The following NRROS variants were observed in gnomAD, a reference collection of about 807,000 sequenced individuals.
NRROS encodes transforming growth factor beta activator LRRC33.
Under a neutral mutation model 12.0 loss-of-function variants are expected in NRROS, and 6 were observed. The observed-to-expected ratio is 0.50, with a 90% confidence interval of 0.27 to 0.98. The LOEUF is 0.98. Ranked by LOEUF, NRROS falls within the 50% of genes least tolerant of loss-of-function variation. The probability of loss-of-function intolerance (pLI) is 0.11; values close to 1 mark genes in which losing one functional copy is unlikely to be tolerated. For missense variants in NRROS, 857 were observed against 888.2 expected, an observed-to-expected ratio of 0.96 and a Z score of 0.45; for synonymous variants, 462 against 410.2, an observed-to-expected ratio of 1.13 and a Z score of -1.53.
rs1244806296 is a variant in NRROS, at chr3:196,660,384, G to A, written c.741G>A (p.Glu247=). The A allele has an allele frequency of 1.2e-6, 2 of 1,613,984 alleles. No homozygotes were observed. Among genetic ancestry groups the A allele is most frequent in the Non-Finnish European group, 1.7e-6 (2 of 1,179,956 alleles). ...VLEWFLATGG[E]AAFELETLDL... The stretch of plus-strand genomic sequence containing the variant: ...AGTGGTTCCTCGCGACCGGGGGAGA[G>A]GCTGCCTTCGAGCTGGAGACGCTGG... Residue 247 remains glutamate (E), a synonymous_variant, in exon 3 of 3, where the codon GAG becomes GAA. Coordinates refer to ENST00000328557, the MANE Select transcript of NRROS (RefSeq NM_198565.3). The surrounding 1 kb of genome is among the most constrained non-coding windows in gnomAD (Gnocchi z 7.7).
Position 196,661,100 on chromosome 3 carries a change from C to T in NRROS, c.1457C>T (p.Ser486Phe). ...CCAGACTGCCCATTCCAAGGGACCT[C>T]CCTGACCTACTTAGACCTCTCAAGC... ...ALPDCPFQGT[S>F]LTYLDLSSNW... The change falls in exon 3 of 3, where the codon TCC (serine) becomes TTC (phenylalanine). Residue 486 changes from serine to phenylalanine, a missense_variant. Coordinates refer to ENST00000328557, the MANE Select transcript of NRROS (RefSeq NM_198565.3). The T allele has an allele frequency of 2.5e-6, 4 of 1,614,140 alleles. No individual in the cohort carries two copies. The highest frequency in any genetic ancestry group is 3.4e-6 in the Non-Finnish European group (4 of 1,180,010).
intron 1 of NRROS, among the ~76,000 whole-genome samples, chr3:196,651,538 G>A (rs1398971668): frequency 5.9e-5 from 9 of 152,060 alleles, no homozygotes; most frequent in African/African-American, 2.2e-4. Context: ...AGGTCAAGGC[G>A]GGCAGATCAC....
At chr3:196,653,911 A>G (rs1201858403) in intron 1 of NRROS, among the ~76,000 whole-genome samples, 1 of 152,164 alleles carries the variant, frequency 6.6e-6, no homozygotes, top group East Asian at 1.9e-4. Flanking sequence ...CTACCCAAAG[A>G]TTGCTTCTTC....
intron 2 of NRROS, among the ~76,000 whole-genome samples, chr3:196,658,926 C>T (rs1367477670): frequency 1.3e-5 from 2 of 152,186 alleles, no homozygotes; most frequent in Non-Finnish European, 2.9e-5. Context: ...GCTGAGATCA[C>T]ACCATTGCAC....
chr3:196,658,897 G>C lies in NRROS; in HGVS notation c.109-855G>C, dbSNP rs559821709. ...AAACAGGAGAATTGCTCGAACCCAG[G>C]AGGCAGAGATTGCAGTGAGCTGAGA... is the stretch of plus-strand genomic sequence containing the variant. On this transcript the variant is annotated intron_variant, in intron 2 of 2. Transcript: ENST00000328557. Among the ~76,000 whole-genome samples, 4 of 152,264 alleles carry C rather than the reference G, an allele frequency of 2.6e-5. No individual in the cohort carries two copies. The South Asian group carries it at 8.3e-4, about 32-fold the overall frequency.
At position 196,661,000 on chromosome 3, in the gene NRROS, C is replaced by A. The variant is rs1275076567; in HGVS notation, c.1357C>A (p.Pro453Thr). 1.9e-6 allele frequency: 3 copies of A among 1,614,180 alleles called. No homozygotes were observed. The highest frequency in any genetic ancestry group is 2.2e-5 in the East Asian group (1 of 44,874). The change falls in exon 3 of 3, where the codon CCT becomes ACT. Residue 453 changes from proline (P) to threonine (T), a missense_variant. Physicochemically the swap from Pro to Thr is conservative, Grantham distance 38. Coordinates refer to ENST00000328557, the MANE Select transcript of NRROS (RefSeq NM_198565.3). The surrounding 1 kb of genome is among the most constrained non-coding windows in gnomAD (Gnocchi z 7.7). Reference sequence around the variant, plus strand: ...AGCTGCCTCGGACCGGGTGGGCCCCCCTAGCTGTGTGGATTTCAGGAATAT... The same window carrying A: ...AGCTGCCTCGGACCGGGTGGGCCCCACTAGCTGTGTGGATTTCAGGAATAT... ...LPAASDRVGP[P>T]SCVDFRNMAS... is the part of the protein sequence containing the mutation.
In NRROS at chr3:196,659,756, G is replaced by A. The variant is rs1170965809; in HGVS notation, c.113G>A (p.Gly38Asp). The stretch of plus-strand genomic sequence containing the variant: ...CCGGTGTGGTTTTGGCCGCAGGTGG[G>A]TGGAGCCGCTGACTGCCGAGGGCAG... ...AASQGVCKLVGGAADCRGQSL... is the reference protein window; with the variant it reads ...AASQGVCKLVDGAADCRGQSL... Residue 38 changes from glycine to aspartate, a missense_variant, in exon 3 of 3, where the codon GGT becomes GAT. Coordinates refer to ENST00000328557, the MANE Select transcript of NRROS (RefSeq NM_198565.3). 4 of 1,606,776 alleles carry A rather than the reference G, an allele frequency of 2.5e-6. No homozygotes were observed. Among genetic ancestry groups the A allele is most frequent in the Non-Finnish European group, 3.4e-6 (4 of 1,175,584 alleles).
chr3:196,646,031 T>A (rs1737303663), intron 1 of NRROS, among the ~76,000 whole-genome samples: 1 of 152,254 alleles, frequency 6.6e-6, no homozygotes, highest in South Asian at 2.1e-4. Flanking sequence ...CTTGGAAGGC[T>A]TGGTGGGGTC....
At position 196,661,250 on chromosome 3, in the gene NRROS, G is replaced by C. The variant is rs769048405; in HGVS notation, c.1607G>C (p.Gly536Ala). 3.7e-6 allele frequency: 6 copies of C among 1,613,842 alleles called. No individual in the cohort carries two copies. Among genetic ancestry groups the C allele is most frequent in the Non-Finnish European group, 5.1e-6 (6 of 1,179,980 alleles). Residue 536 changes from glycine (G) to alanine (A), a missense_variant, in exon 3 of 3, where the codon GGG becomes GCG. Gly to Ala is a moderately conservative substitution (Grantham distance 60). Coordinates refer to ENST00000328557, the MANE Select transcript of NRROS (RefSeq NM_198565.3). The stretch of plus-strand genomic sequence containing the variant: ...ATGGCGTTGGACTTCTCTGGGTTTG[G>C]GAATCTCAGGGACTTAGATCTGTCG... ...SFMALDFSGF[G>A]NLRDLDLSGN...
At chr3:196,641,832 A>G (rs1483785693) in intron 1 of NRROS, among the ~76,000 whole-genome samples, 1 of 152,212 alleles carries the variant, frequency 6.6e-6, no homozygotes, top group African/African-American at 2.4e-5. Context: ...CATCAGGCGC[A>G]GATCCATTTT....
chr3:196,653,170 G>A (rs1737464854), intron 1 of NRROS, among the ~76,000 whole-genome samples: 1 of 152,170 alleles, frequency 6.6e-6, no homozygotes, highest in Non-Finnish European at 1.5e-5. Flanking sequence ...CTGTGTGGGT[G>A]CAGAGGCAGA....
chr3:196,640,865 G>T (rs74995688), intron 1 of NRROS, among the ~76,000 whole-genome samples: 6,274 of 152,268 alleles, frequency 0.041, 156 homozygotes, highest in Non-Finnish European at 0.056. Flanking sequence ...CCCACCGGAG[G>T]CTTCTTCATG....
intron 1 of NRROS, among the ~76,000 whole-genome samples, chr3:196,642,100 G>A (rs187460773): frequency 6.6e-6 from 1 of 151,966 alleles, no homozygotes; most frequent in African/African-American, 2.4e-5. Context: ...TCTGTGATGG[G>A]GCTCAGGGCT....
rs772985371 is a variant in NRROS at position 196,661,375 on chromosome 3, G to A, written c.1732G>A (p.Val578Met). ...GCTCACAGCCCTTCCCCAGAAGGCT[G>A]TGTCTGAGCAGCTCTCGAGAGGTCT... Reference protein sequence around the residue: ...NSLTALPQKAVSEQLSRGLRT... With the variant: ...NSLTALPQKAMSEQLSRGLRT... Residue 578 changes from valine to methionine, a missense_variant, in exon 3 of 3, where the codon GTG (valine) becomes ATG (methionine). By Grantham distance (21) the Val-to-Met change is conservative (BLOSUM62 1). Transcript: ENST00000328557. The A allele has an allele frequency of 6.4e-7, 1 of 1,573,396 alleles. No individual in the cohort carries two copies. The highest frequency in any genetic ancestry group is 1.4e-5 in the African/African-American group (1 of 74,050).
intron 1 of NRROS, among the ~76,000 whole-genome samples, chr3:196,648,866 C>A (rs942587715): frequency 1.3e-5 from 2 of 151,766 alleles, no homozygotes; most frequent in Non-Finnish European, 2.9e-5. Context: ...AGAACAGACA[C>A]CCCCAGCCCC....
chr3:196,660,154 C>T lies in NRROS; in HGVS notation c.511C>T (p.Arg171Trp). 5.0e-6 allele frequency: 8 copies of T among 1,612,944 alleles called. No homozygotes were observed. The highest frequency in any genetic ancestry group is 5.1e-6 in the Non-Finnish European group (6 of 1,179,974). The change falls in exon 3 of 3, where the codon CGG becomes TGG. Residue 171 changes from arginine (R) to tryptophan (W), a missense_variant. Coordinates refer to ENST00000328557, the MANE Select transcript of NRROS (RefSeq NM_198565.3). The surrounding 1 kb of genome is among the most constrained non-coding windows in gnomAD (Gnocchi z 7.7). Reference protein sequence around the residue: ...SVSLAGNTIMRLDDSVFEGLE... With the variant: ...SVSLAGNTIMWLDDSVFEGLE... ...GTCCCTGGCGGGGAACACCATCATG[C>T]GGCTGGACGACTCCGTCTTCGAGGG... is the stretch of plus-strand genomic sequence containing the variant.
chr3:196,655,545 A>G (rs1327282038), intron 2 of NRROS, among the ~76,000 whole-genome samples: 1 of 152,082 alleles, frequency 6.6e-6, no homozygotes, highest in Non-Finnish European at 1.5e-5. Context: ...AAAAAGAAAA[A>G]AACAAAACAA....
chr3:196,652,506 C>G (rs1737447410), intron 1 of NRROS, among the ~76,000 whole-genome samples: 1 of 152,200 alleles, frequency 6.6e-6, no homozygotes, highest in Non-Finnish European at 1.5e-5. Flanking sequence ...ATAACAGAGG[C>G]AGAATTCAAA....
At position 196,659,632 on chromosome 3, in the gene NRROS, A is replaced by G; in HGVS notation, c.109-120A>G. 3 of 1,028,690 alleles carry G rather than the reference A, an allele frequency of 2.9e-6. No homozygotes were observed. In the South Asian group the frequency reaches 5.1e-5, roughly 18 times the overall value. The allele number at this position is 1,028,690 out of a possible 1,614,324, so 63.7% of individuals were successfully genotyped here. ...CCTTGTCTATCCTATTTTTAAAATG[A>G]ACATCTCTAGAGCCATCCCCGGCGG... is the stretch of plus-strand genomic sequence containing the variant. On this transcript the variant is annotated intron_variant, in intron 2 of 2. Coordinates refer to ENST00000328557, the MANE Select transcript of NRROS (RefSeq NM_198565.3).
Sources: allele counts gnomAD v4.1 joint callset (sites outside exome capture counted in the v4.1 genomes callset), GRCh38; gene constraint gnomAD v4.1.1; non-coding constraint Gnocchi (gnomAD v3.1); transcripts MANE v1.5; gene names NCBI Gene and HGNC (gene_info 2026-07-23, HGNC 2026-07-21).